The following LCK variants were observed in gnomAD, a reference collection of about 807,000 sequenced individuals.
LCK encodes the protein LCK proto-oncogene, Src family tyrosine kinase.
LCK carries 14 observed loss-of-function variants against 64.6 expected under a neutral mutation model. The observed-to-expected ratio is 0.22, with a 90% confidence interval of 0.14 to 0.34. The LOEUF is 0.34. LCK is among the 10% of genes least tolerant of loss of function. The pLI, the probability that LCK is intolerant of heterozygous loss-of-function variation, is 1.00. For missense variants in LCK, 434 were observed against 668.1 expected, an observed-to-expected ratio of 0.65 and a Z score of 3.86; for synonymous variants, 277 against 263.6, an observed-to-expected ratio of 1.05 and a Z score of -0.49.
Position 32,281,280 on chromosome 1 carries a change from A to AC in LCK, c.1327+1070_1327+1071insC, listed in dbSNP as rs1328632877. Among the ~76,000 whole-genome samples, 1,081 of 151,066 alleles carry AC rather than the reference A, an allele frequency of 7.2e-3. 17 individuals carry two copies. The highest frequency in any genetic ancestry group is 0.025 in the African/African-American group (1,012 of 41,080). On this transcript the variant is annotated intron_variant, in intron 12 of 12. Coordinates refer to ENST00000336890, the MANE Select transcript of LCK (RefSeq NM_005356.5). ...GAGACTCCATCTCTACAAAAAAAAAAAAACAAACAAACAAAAAAAACATTT... is the reference window on the plus strand; with the variant it reads ...GAGACTCCATCTCTACAAAAAAAAAACAAACAAACAAACAAAAAAAACATTT...
intron 3 of LCK, 77 bp from the exon 4 acceptor site, chr1:32,274,916 C>T (rs1374499621): frequency 1.9e-6 from 3 of 1,614,090 alleles, no homozygotes; most frequent in Non-Finnish European, 8.5e-7. Flanking sequence ...GTCTTGCCTT[C>T]CTTGTCCCCC....
chr1:32,264,500 G>A (rs1639861816), intron 1 of LCK, among the ~76,000 whole-genome samples: 1 of 151,630 alleles, frequency 6.6e-6, no homozygotes, highest in Non-Finnish European at 1.5e-5. Context: ...AAAAAAAAAA[G>A]GATGTAAGGT....
rs749760246 is a variant in LCK at position 32,276,370 on chromosome 1, G to A, written c.665G>A (p.Arg222His). Residue 222 changes from arginine (R) to histidine (H), a missense_variant, in exon 8 of 13, where the codon CGC (arginine) becomes CAC (histidine). Arg to His is a conservative substitution (Grantham distance 29). Around this residue, in one of 2 missense-constraint regions of LCK, gnomAD observed 233 missense variants for 291.2 expected, o/e 0.80. Transcript: ENST00000336890. The surrounding 1 kb of genome is among the most constrained non-coding windows in gnomAD (Gnocchi z 4.6). ...GATGGGCTGTGCACACGGTTGAGCC[G>A]CCCCTGCCAGACCCAGAAGCCCCAG... Reference protein sequence around the residue: ...ASDGLCTRLSRPCQTQKPQKP... With the variant: ...ASDGLCTRLSHPCQTQKPQKP... 3 of 1,610,334 alleles carry A rather than the reference G, an allele frequency of 1.9e-6. No homozygotes were observed. Among genetic ancestry groups the A allele is most frequent in the East Asian group, 4.5e-5 (2 of 44,878 alleles).
intron 12 of LCK, among the ~76,000 whole-genome samples, chr1:32,285,256 G>T (rs897404310): frequency 6.7e-6 from 1 of 148,412 alleles, no homozygotes; most frequent in African/African-American, 2.5e-5. Context: ...AGCCGAGATC[G>T]CACCATTGCA....
At chr1:32,263,570 C>T (rs1639838710) in intron 1 of LCK, among the ~76,000 whole-genome samples, 1 of 151,272 alleles carries the variant, frequency 6.6e-6, no homozygotes, top group South Asian at 2.1e-4. Context: ...AACCTTGTCA[C>T]TGCAAAAAAG....
At chr1:32,258,342 C>T (rs1470402581) in intron 1 of LCK, among the ~76,000 whole-genome samples, 2 of 151,564 alleles carry the variant, frequency 1.3e-5, no homozygotes, top group African/African-American at 4.8e-5. Flanking sequence ...GTGGCTCCTG[C>T]CTGTAATCCC....
chr1:32,280,707 G>T (rs112909308), intron 12 of LCK, among the ~76,000 whole-genome samples: 7 of 151,730 alleles, frequency 4.6e-5, no homozygotes, highest in African/African-American at 1.7e-4. Flanking sequence ...GGCCTGCCTC[G>T]GCCTCCCAGT....
chr1:32,274,516 C>A, intron 2 of LCK, 82 bp downstream of exon 2: 2 of 1,187,764 alleles, frequency 1.7e-6, no homozygotes, highest in Non-Finnish European at 2.4e-6. Context: ...GCACTACAGG[C>A]CCTTGAAAGA....
chr1:32,257,522 T>C (rs1639659995), intron 1 of LCK, among the ~76,000 whole-genome samples: 1 of 152,110 alleles, frequency 6.6e-6, no homozygotes, highest in South Asian at 2.1e-4. Context: ...CCCAAAGTGC[T>C]GGGATTATAG....
At chr1:32,273,488 ATGG>A (rs1640168378) in intron 1 of LCK, among the ~76,000 whole-genome samples, 1 of 151,892 alleles carries the variant, frequency 6.6e-6, no homozygotes, top group Non-Finnish European at 1.5e-5. Flanking sequence ...TCTGGAATGC[ATGG>A]TACATTAAAC....
At chr1:32,256,838 T>C (rs1169783220) in intron 1 of LCK, among the ~76,000 whole-genome samples, 1 of 152,200 alleles carries the variant, frequency 6.6e-6, no homozygotes, top group East Asian at 1.9e-4. Context: ...TGGATGACCA[T>C]TTACGAATGT....
intron 1 of LCK, among the ~76,000 whole-genome samples, chr1:32,257,518 G>C (rs1453321993): frequency 6.6e-6 from 1 of 152,032 alleles, no homozygotes; most frequent in East Asian, 1.9e-4. Flanking sequence ...GCCTCCCAAA[G>C]TGCTGGGATT....
chr1:32,266,415 G>A (rs1445139139), intron 1 of LCK, among the ~76,000 whole-genome samples: 9 of 149,298 alleles, frequency 6.0e-5, no homozygotes, highest in African/African-American at 1.5e-4. Flanking sequence ...GGAGAAGGGC[G>A]TGAACCCAGG....
At position 32,251,735 on chromosome 1, in the gene LCK, C is replaced by T. The variant is rs1639509704; in HGVS notation, c.-6+364C>T. Among the ~76,000 whole-genome samples, 1 of 152,170 alleles carries T rather than the reference C, an allele frequency of 6.6e-6. No individual in the cohort carries two copies. The highest frequency in any genetic ancestry group is 2.1e-4 in the South Asian group (1 of 4,830). Reference sequence around the variant, plus strand: ...AGGCCCAGAGAGAACAAGGCACTCACTGCCCACGGTTTCTCAGCAAGGCAG... The same window carrying T: ...AGGCCCAGAGAGAACAAGGCACTCATTGCCCACGGTTTCTCAGCAAGGCAG... On this transcript the variant is annotated intron_variant, in intron 1 of 12. Coordinates refer to ENST00000336890, the MANE Select transcript of LCK (RefSeq NM_005356.5). The surrounding 1 kb of genome is among the most constrained non-coding windows in gnomAD (Gnocchi z 4.0).
At chr1:32,279,218 G>T (rs1194681846) in intron 9 of LCK, among the ~76,000 whole-genome samples, 1 of 152,124 alleles carries the variant, frequency 6.6e-6, no homozygotes, top group African/African-American at 2.4e-5. Flanking sequence ...GCTTCCTAGT[G>T]GGGCAGTCTA....
chr1:32,251,461 G>C lies in LCK; in HGVS notation c.-6+90G>C, dbSNP rs895052009. 3.8e-4 allele frequency: 58 copies of C among 153,020 alleles called. No homozygotes were observed. The highest frequency in any genetic ancestry group is 1.4e-3 in the African/African-American group (57 of 41,600). The allele number at this position is 153,020 out of a possible 1,614,324, so 9.5% of individuals were successfully genotyped here. On this transcript the variant is annotated intron_variant, in intron 1 of 12. Coordinates refer to ENST00000336890, the MANE Select transcript of LCK (RefSeq NM_005356.5). The surrounding 1 kb of genome is among the most constrained non-coding windows in gnomAD (Gnocchi z 4.0). ...GCTGTGCGGGCCCAGGCTCCCTAGGGATGCAGCAGCCCTTTGTGGCTGGGG... is the reference window on the plus strand; with the variant it reads ...GCTGTGCGGGCCCAGGCTCCCTAGGCATGCAGCAGCCCTTTGTGGCTGGGG...
At position 32,285,637 on chromosome 1, in the gene LCK, G is replaced by A; in HGVS notation, c.1451G>A (p.Arg484Gln). ...TGCTGGAAGGAGCGCCCAGAGGACC[G>A]GCCCACCTTTGACTACCTGCGCAGT... ...RLCWKERPED[R>Q]PTFDYLRSVL... The change falls in exon 13 of 13, where the codon CGG (arginine) becomes CAG (glutamine). Residue 484 changes from arginine (R) to glutamine (Q), a missense_variant. By Grantham distance (43) the Arg-to-Gln change is conservative. Coordinates refer to ENST00000336890, the MANE Select transcript of LCK (RefSeq NM_005356.5). 1.2e-6 allele frequency: 2 copies of A among 1,614,160 alleles called. No homozygotes were observed. Among genetic ancestry groups the A allele is most frequent in the Non-Finnish European group, 1.7e-6 (2 of 1,180,034 alleles).
intron 1 of LCK, among the ~76,000 whole-genome samples, chr1:32,258,479 TAA>T (rs79944630): frequency 1.1e-4 from 13 of 122,870 alleles, no homozygotes; most frequent in Non-Finnish European, 1.4e-4. Flanking sequence ...TCCATCTCTT[TAA>T]AAAAAAAAAA....
chr1:32,274,868 T>G (rs746649722), intron 3 of LCK, 50 bp downstream of exon 3: 1 of 1,613,884 alleles, frequency 6.2e-7, no homozygotes, highest in African/African-American at 1.3e-5. Context: ...GATCCCTGGC[T>G]GTTGGCTTCC....
Sources: gnomAD v4.1 joint callset for allele counts (sites outside exome capture counted in the v4.1 genomes callset) on GRCh38, gnomAD v4.1.1 for gene constraint, gnomAD v4.1.1 regional missense constraint, Gnocchi (gnomAD v3.1) non-coding constraint, MANE v1.5 for transcripts, NCBI Gene and HGNC (gene_info 2026-07-23, HGNC 2026-07-21) for gene names.